The following DEK variants were observed in gnomAD, a reference collection of about 807,000 sequenced individuals.
The protein encoded by DEK is protein DEK.
In DEK, 28 loss-of-function variants were observed where a neutral mutation model predicts 46.8. The ratio of observed to expected loss-of-function variants is 0.60; its 90% confidence interval spans 0.44 to 0.82. The LOEUF (loss-of-function observed/expected upper bound fraction) is 0.82. Ranked by LOEUF, DEK falls within the 40% of genes least tolerant of loss-of-function variation. The pLI, the probability that DEK is intolerant of heterozygous loss-of-function variation, is 0.00. For synonymous variants in DEK, 160 were observed against 144.5 expected (o/e 1.11, Z -0.77); for missense variants, 416 against 430.6 (o/e 0.97, Z 0.30).
At chr6:18,249,162 T>G (rs1331185705) in intron 7 of DEK, among the ~76,000 whole-genome samples, 3 of 152,138 alleles carry the variant, frequency 2.0e-5, no homozygotes, top group Non-Finnish European at 2.9e-5. Context: ...AATACAAAAT[T>G]TATCCACTCA....
intron 9 of DEK, among the ~76,000 whole-genome samples, chr6:18,234,570 G>A (rs1790567994): frequency 1.3e-5 from 2 of 152,016 alleles, no homozygotes; most frequent in Non-Finnish European, 2.9e-5. Context: ...TCCACCAATG[G>A]CAGTTTCATC....
At chr6:18,240,332 A>G (rs903466642) in intron 7 of DEK, among the ~76,000 whole-genome samples, 25 of 152,244 alleles carry the variant, frequency 1.6e-4, no homozygotes, top group African/African-American at 5.3e-4. Flanking sequence ...TAAAATTTCT[A>G]AAAGACTGCA....
At chr6:18,253,789 C>T (rs1791491997) in intron 6 of DEK, among the ~76,000 whole-genome samples, 1 of 152,036 alleles carries the variant, frequency 6.6e-6, no homozygotes, top group Non-Finnish European at 1.5e-5. Context: ...ATGAAAATAG[C>T]TCACTGCAGC....
intron 2 of DEK, among the ~76,000 whole-genome samples, chr6:18,262,767 A>G (rs1295648061): frequency 6.6e-6 from 1 of 152,198 alleles, no homozygotes; most frequent in East Asian, 1.9e-4. Context: ...ATTAAAAATA[A>G]TTTTAAAATA....
intron 2 of DEK, among the ~76,000 whole-genome samples, chr6:18,261,642 C>T (rs990974609): frequency 2.6e-5 from 4 of 152,204 alleles, no homozygotes; most frequent in Admixed American, 1.3e-4. Context: ...TGTGTGGGGC[C>T]TATTGCACCT....
intron 9 of DEK, among the ~76,000 whole-genome samples, chr6:18,232,490 T>A (rs1464609140): frequency 6.6e-6 from 1 of 152,156 alleles, no homozygotes; most frequent in Non-Finnish European, 1.5e-5. Context: ...AAAATCTCCT[T>A]AAGCTGATAA....
intron 9 of DEK, among the ~76,000 whole-genome samples, chr6:18,230,143 A>C (rs1004710225): frequency 1.6e-4 from 25 of 152,302 alleles, no homozygotes; most frequent in African/African-American, 6.0e-4. Context: ...TCATAAGTGA[A>C]GGAGAAATAA....
At chr6:18,247,193 G>A (rs1582278847) in intron 7 of DEK, among the ~76,000 whole-genome samples, 2 of 151,970 alleles carry the variant, frequency 1.3e-5, no homozygotes, top group African/African-American at 4.8e-5. Flanking sequence ...GCCTTTCACA[G>A]AAACTGAATC....
At chr6:18,256,496 T>C in intron 4 of DEK, 41 bp from the exon 5 acceptor site, 3 of 1,511,534 alleles carry the variant, frequency 2.0e-6, no homozygotes, top group Non-Finnish European at 2.7e-6. Context: ...TATTACCCAG[T>C]AATGTACACA....
intron 6 of DEK, among the ~76,000 whole-genome samples, chr6:18,254,719 C>T (rs1402392725): frequency 6.6e-6 from 1 of 152,058 alleles, no homozygotes; most frequent in African/African-American, 2.4e-5. Flanking sequence ...AAATAGTGAT[C>T]ACCTTGCCTC....
At chr6:18,250,977 TA>T (rs1791354324) in intron 6 of DEK, among the ~76,000 whole-genome samples, 1 of 152,216 alleles carries the variant, frequency 6.6e-6, no homozygotes, top group African/African-American at 2.4e-5. Flanking sequence ...AATATGCTGC[TA>T]TTATTCTGAT....
intron 9 of DEK, among the ~76,000 whole-genome samples, chr6:18,228,999 C>G (rs985020460): frequency 1.3e-5 from 2 of 152,198 alleles, no homozygotes; most frequent in African/African-American, 2.4e-5. Flanking sequence ...GAGACACCTC[C>G]CAGTAGGAGC....
chr6:18,246,052 T>C (rs1451878693), intron 7 of DEK, among the ~76,000 whole-genome samples: 3 of 152,164 alleles, frequency 2.0e-5, no homozygotes, highest in Non-Finnish European at 4.4e-5. Context: ...GAACTGTGAG[T>C]CAACTAAACT....
At position 18,263,977 on chromosome 6, in the gene DEK, G is replaced by A. The variant is rs1791994292; in HGVS notation, c.11C>T (p.Ser4Leu). 1 of 1,610,742 alleles carries A rather than the reference G, an allele frequency of 6.2e-7. No individual in the cohort carries two copies. Among genetic ancestry groups the A allele is most frequent in the African/African-American group, 1.3e-5 (1 of 74,760 alleles). Reference protein sequence around the residue: MSASAPAAEGEGTP... With the variant: MSALAPAAEGEGTP... ...TCCCTCCCCCTCCGCAGCAGGGGCC[G>A]AGGCGGACATGCTGTGAACCTGCAT... Residue 4 changes from serine (S) to leucine (L), a missense_variant, in exon 2 of 11, where the codon TCG becomes TTG. Physicochemically the swap from Ser to Leu is moderately radical, Grantham distance 145. Transcript: ENST00000652689.
Position 18,225,579 on chromosome 6 carries a change from A to T in DEK, c.*140T>A. 1 of 855,158 alleles carries T rather than the reference A, an allele frequency of 1.2e-6. No individual in the cohort carries two copies. 53.0% of individuals were successfully genotyped at this position (855,158 alleles called of 1,614,324 possible). A position where few individuals can be genotyped will look rare whatever the true frequency, so the allele number is the denominator to read the frequency against. ...CAAACTCAAATTCACATAACACTCAAGATAAAAAGGTCAGCAGTAAGTTCT... is the reference window on the plus strand; with the variant it reads ...CAAACTCAAATTCACATAACACTCATGATAAAAAGGTCAGCAGTAAGTTCT... On this transcript the variant is annotated 3_prime_UTR_variant, in exon 11 of 11. Transcript: ENST00000652689.
chr6:18,247,844 G>T (rs1378833340), intron 7 of DEK, among the ~76,000 whole-genome samples: 1 of 151,934 alleles, frequency 6.6e-6, no homozygotes, highest in African/African-American at 2.4e-5. Flanking sequence ...AGCTAATTTT[G>T]TATTTTTAGT....
At chr6:18,258,927 A>T (rs1332941848) in intron 2 of DEK, among the ~76,000 whole-genome samples, 1 of 152,010 alleles carries the variant, frequency 6.6e-6, no homozygotes, top group Non-Finnish European at 1.5e-5. Flanking sequence ...ATAGGATAAA[A>T]CTCTCCAAGT....
intron 7 of DEK, among the ~76,000 whole-genome samples, chr6:18,245,723 T>C (rs1791086759): frequency 1.3e-5 from 2 of 152,250 alleles, no homozygotes; most frequent in Admixed American, 1.3e-4. Context: ...GTGAATAGCA[T>C]GACCAAATGT....
chr6:18,256,412 G>A lies in DEK; in HGVS notation c.401C>T (p.Pro134Leu). 6.2e-7 allele frequency: 1 copy of A among 1,612,864 alleles called. No homozygotes were observed. The highest frequency in any genetic ancestry group is 8.5e-7 in the Non-Finnish European group (1 of 1,179,472). ...ATATTGGACACTTCCTTTTTCAAAT[G>A]GAAAGCCACTGAACTGACCCACATT... ...KKNVGQFSGF[P>L]FEKGSVQYKK... Residue 134 changes from proline (P) to leucine (L), a missense_variant, in exon 5 of 11, where the codon CCA becomes CTA. Pro to Leu is a moderately conservative substitution (Grantham distance 98). Transcript: ENST00000652689.
Sources: gnomAD v4.1 joint callset for allele counts (sites outside exome capture counted in the v4.1 genomes callset) on GRCh38, gnomAD v4.1.1 for gene constraint, MANE v1.5 for transcripts, NCBI Gene and HGNC (gene_info 2026-07-23, HGNC 2026-07-21) for gene names.